JAK2: variants seen among roughly 807,000 people sequenced by gnomAD.
JAK2 encodes tyrosine-protein kinase JAK2.
A neutral mutation model predicts 139.3 loss-of-function variants in JAK2; 86 were observed. That is an observed-to-expected ratio of 0.62 (90% CI 0.52 to 0.74). The LOEUF (loss-of-function observed/expected upper bound fraction) is 0.74. JAK2 is among the 30% of genes least tolerant of loss of function. The probability of loss-of-function intolerance (pLI) is 0.00; values close to 1 mark genes in which losing one functional copy is unlikely to be tolerated. For missense variants in JAK2, 1,421 were observed against 1,360.3 expected, an observed-to-expected ratio of 1.04 and a Z score of -0.70; for synonymous variants, 490 against 437.7, an observed-to-expected ratio of 1.12 and a Z score of -1.49.
At chr9:5,065,197 G>C (rs1266143725) in intron 9 of JAK2, among the ~76,000 whole-genome samples, 157 bp downstream of exon 9, 1 of 151,940 alleles carries the variant, frequency 6.6e-6, no homozygotes, top group Non-Finnish European at 1.5e-5. Context: ...ATAATAATTA[G>C]AATTATTTAG....
intron 19 of JAK2, among the ~76,000 whole-genome samples, chr9:5,084,667 A>G (rs987955001): frequency 6.6e-6 from 1 of 152,112 alleles, no homozygotes; most frequent in Non-Finnish European, 1.5e-5. Context: ...ATGCCCACAT[A>G]TACTTATATT....
At chr9:5,058,081 TCATC>T (rs1490614580) in intron 8 of JAK2, among the ~76,000 whole-genome samples, 5 of 152,356 alleles carry the variant, frequency 3.3e-5, no homozygotes, top group African/African-American at 1.2e-4. Context: ...ATTTGTTCAT[TCATC>T]CATCAATGAA....
intron 22 of JAK2, chr9:5,112,581 T>C: frequency 1.4e-6 from 1 of 715,266 alleles, no homozygotes; most frequent in Non-Finnish European, 2.3e-6. Context: ...TGCGGGTCCC[T>C]TAAGAGGGCT....
chr9:5,034,099 G>T (rs141587583), intron 4 of JAK2, among the ~76,000 whole-genome samples: 37 of 152,038 alleles, frequency 2.4e-4, no homozygotes, highest in East Asian at 1.9e-3. Context: ...TCCTAGTCTC[G>T]GATAAAACAG....
intron 16 of JAK2, among the ~76,000 whole-genome samples, chr9:5,079,111 A>G (rs749745034): frequency 1.3e-5 from 2 of 152,222 alleles, no homozygotes; most frequent in Non-Finnish European, 2.9e-5. Flanking sequence ...TTAATGACTT[A>G]TCTGACAGTG....
In JAK2 at chr9:5,128,006, G is replaced by A. The variant is rs1342277485; in HGVS notation, c.*1215G>A. 1 of 231,794 alleles carries A rather than the reference G, an allele frequency of 4.3e-6. No individual in the cohort carries two copies. Among genetic ancestry groups the A allele is most frequent in the Non-Finnish European group, 8.5e-6 (1 of 117,252 alleles). 14.4% of individuals were successfully genotyped at this position (231,794 alleles called of 1,614,324 possible). ...AAATCTTTTCAATTAAGTATAAGGG[G>A]TTGTTCGTTGTTGTCATTTGTTATA... On this transcript the variant is annotated 3_prime_UTR_variant, in exon 25 of 25. Coordinates refer to ENST00000381652, the MANE Select transcript of JAK2 (RefSeq NM_004972.4).
Position 5,044,443 on chromosome 9 carries a change from G to A in JAK2, c.391G>A (p.Ala131Thr), listed in dbSNP as rs769648312. The part of the protein sequence containing the change: ...PRWYCSGSNR[A>T]YRHGISRGAE... Reference sequence around the variant, plus strand: ...TTGGTATTGCAGTGGCAGCAACAGAGCCTATCGGCATGGAATATCTCGAGG... The same window carrying A: ...TTGGTATTGCAGTGGCAGCAACAGAACCTATCGGCATGGAATATCTCGAGG... Residue 131 changes from alanine (A) to threonine (T), a missense_variant, in exon 5 of 25, where the codon GCC becomes ACC. Coordinates refer to ENST00000381652, the MANE Select transcript of JAK2 (RefSeq NM_004972.4). 2 of 1,613,224 alleles carry A rather than the reference G, an allele frequency of 1.2e-6. No individual in the cohort carries two copies. Among genetic ancestry groups the A allele is most frequent in the Non-Finnish European group, 8.5e-7 (1 of 1,179,548 alleles).
At chr9:5,125,610 C>T (rs2130862124) in intron 23 of JAK2, among the ~76,000 whole-genome samples, 1 of 151,510 alleles carries the variant, frequency 6.6e-6, no homozygotes, top group South Asian at 2.1e-4. Context: ...CAAATTATAT[C>T]TCAACAGCAA....
intron 4 of JAK2, among the ~76,000 whole-genome samples, chr9:5,042,677 G>C (rs2130306080): frequency 6.6e-6 from 1 of 152,266 alleles, no homozygotes; most frequent in Non-Finnish European, 1.5e-5. Flanking sequence ...CTCAGTGGGA[G>C]GGCAGGCCTG....
chr9:5,117,368 A>G (rs1179534933), intron 22 of JAK2, among the ~76,000 whole-genome samples: 1 of 152,252 alleles, frequency 6.6e-6, no homozygotes, highest in Non-Finnish European at 1.5e-5. Context: ...GGTGAGATTC[A>G]TATTTTAGAA....
intron 6 of JAK2, among the ~76,000 whole-genome samples, chr9:5,052,825 A>T (rs1016461818): frequency 6.6e-6 from 1 of 152,058 alleles, no homozygotes; most frequent in Non-Finnish European, 1.5e-5. Flanking sequence ...ATGTATCAGT[A>T]CTTCATTTCT....
chr9:5,011,571 A>G (rs915026207), intron 2 of JAK2, among the ~76,000 whole-genome samples: 1 of 152,214 alleles, frequency 6.6e-6, no homozygotes, highest in African/African-American at 2.4e-5. Flanking sequence ...AAATTCTATT[A>G]CATATGTATC....
intron 20 of JAK2, 70 bp downstream of exon 20, chr9:5,089,933 C>T (rs971797124): frequency 1.8e-6 from 2 of 1,089,548 alleles, no homozygotes; most frequent in African/African-American, 1.6e-5. Flanking sequence ...TATAAATGTA[C>T]AATGTCTTAA....
chr9:5,008,954 T>C (rs1012505863), intron 2 of JAK2, among the ~76,000 whole-genome samples: 23 of 152,196 alleles, frequency 1.5e-4, no homozygotes, highest in Non-Finnish European at 2.8e-4. Context: ...ACCTGGGAGT[T>C]TGTCTTGACT....
At chr9:5,075,101 C>T (rs936115421) in intron 14 of JAK2, among the ~76,000 whole-genome samples, 1 of 152,106 alleles carries the variant, frequency 6.6e-6, no homozygotes, top group Non-Finnish European at 1.5e-5. Flanking sequence ...TCTATGAAGG[C>T]TGAGAGAGGT....
At chr9:5,085,721 T>G (rs1820039200) in intron 19 of JAK2, 1 of 752,146 alleles carries the variant, frequency 1.3e-6, no homozygotes, top group Admixed American at 1.8e-5. Flanking sequence ...TGTGGATCAT[T>G]TCTGCAATTA....
intron 2 of JAK2, among the ~76,000 whole-genome samples, chr9:5,019,247 TTTTC>T (rs1369265393): frequency 2.0e-5 from 3 of 152,198 alleles, no homozygotes; most frequent in East Asian, 3.8e-4. Context: ...GTTCATTCTT[TTTTC>T]TTTATTTTTG....
intron 7 of JAK2, 98 bp from the exon 8 acceptor site, chr9:5,055,571 T>A: frequency 1.0e-6 from 1 of 962,208 alleles, no homozygotes; most frequent in Non-Finnish European, 1.5e-6. Flanking sequence ...CCTTTTTTAT[T>A]TTAAAGAATT....
intron 2 of JAK2, among the ~76,000 whole-genome samples, chr9:4,998,732 C>T (rs986462747): frequency 2.2e-5 from 3 of 139,104 alleles, no homozygotes; most frequent in Non-Finnish European, 3.2e-5. Flanking sequence ...GACCAAAAAC[C>T]ACAAAAAACA....
Sources: allele counts gnomAD v4.1 joint callset (sites outside exome capture counted in the v4.1 genomes callset), GRCh38; gene constraint gnomAD v4.1.1; transcripts MANE v1.5; gene names NCBI Gene and HGNC (gene_info 2026-07-23, HGNC 2026-07-21).